Variants in LAMA2 observed in about 807,000 individuals in gnomAD.
LAMA2 encodes the protein laminin subunit alpha 2, also known as laminin subunit alpha-2.
In LAMA2, 269 loss-of-function variants were observed where a neutral mutation model predicts 364.8. The observed-to-expected ratio is 0.74, with a 90% CI of 0.67 to 0.82. LAMA2 has a LOEUF of 0.82. LAMA2 is among the 40% of genes least tolerant of loss of function. LAMA2 has a pLI of 0.00. For missense variants in LAMA2, 3,807 were observed against 3,873.2 expected (o/e 0.98, Z 0.45); for synonymous variants, 1,379 against 1,370.6 (o/e 1.01, Z -0.14).
chr6:129,392,708 A>G (rs1324357921), intron 36 of LAMA2, among the ~76,000 whole-genome samples: 1 of 152,228 alleles, frequency 6.6e-6, no homozygotes, highest in Non-Finnish European at 1.5e-5. Context: ...TCTCAGTACA[A>G]TGAAACAAGT....
chr6:128,949,255 G>T (rs1368741570), intron 1 of LAMA2, among the ~76,000 whole-genome samples: 1 of 152,084 alleles, frequency 6.6e-6, no homozygotes. Context: ...ATGCACTTTT[G>T]GTTCCCAATC....
intron 4 of LAMA2, among the ~76,000 whole-genome samples, chr6:129,109,379 T>C (rs983592105): frequency 1.3e-5 from 2 of 152,148 alleles, no homozygotes; most frequent in African/African-American, 4.8e-5. Flanking sequence ...AAGAAAGGCC[T>C]CTAAGAATCT....
chr6:129,385,784 C>A (rs1344820710), intron 35 of LAMA2, among the ~76,000 whole-genome samples: 1 of 152,094 alleles, frequency 6.6e-6, no homozygotes, highest in Non-Finnish European at 1.5e-5. Flanking sequence ...AGGACTTAAT[C>A]AATGATAGAC....
At chr6:128,964,007 T>C (rs1781694603) in intron 1 of LAMA2, among the ~76,000 whole-genome samples, 1 of 152,140 alleles carries the variant, frequency 6.6e-6, no homozygotes, top group Non-Finnish European at 1.5e-5. Flanking sequence ...GATCTTTGAA[T>C]ATGCTGATCG....
chr6:129,398,564 C>G (rs1041271542), intron 37 of LAMA2, among the ~76,000 whole-genome samples: 1 of 150,802 alleles, frequency 6.6e-6, no homozygotes, highest in Non-Finnish European at 1.5e-5. Context: ...TAACCTCCAC[C>G]TCTCAGGTCA....
At chr6:128,901,000 T>C (rs377092963) in intron 1 of LAMA2, among the ~76,000 whole-genome samples, 27 of 151,888 alleles carry the variant, frequency 1.8e-4, no homozygotes, top group African/African-American at 5.6e-4. Flanking sequence ...AAAAATAAAA[T>C]GAAAAAATTA....
At chr6:129,329,566 T>C (rs1457171282) in intron 29 of LAMA2, among the ~76,000 whole-genome samples, 1 of 152,122 alleles carries the variant, frequency 6.6e-6, no homozygotes, top group African/African-American at 2.4e-5. Flanking sequence ...TTCACCATGT[T>C]GTCTAGGCTG....
In LAMA2 at chr6:129,158,252, A is replaced by AC. The variant is rs1454637535; in HGVS notation, c.1206+3571dup. ...TACCTTTAATATCTGCCGCTATGAA[A>AC]CCAAGTATGTTTTCATGGCGCATTA... On this transcript the variant is annotated intron_variant, in intron 8 of 64. Coordinates refer to ENST00000421865, the MANE Select transcript of LAMA2 (RefSeq NM_000426.4). 537 of 1,613,972 alleles carry AC rather than the reference A, an allele frequency of 3.3e-4. 4 individuals carry two copies. The highest frequency in any genetic ancestry group is 1.4e-4 in the Non-Finnish European group (169 of 1,179,982).
chr6:129,143,203 G>T (rs1778231634), intron 4 of LAMA2, among the ~76,000 whole-genome samples: 1 of 151,742 alleles, frequency 6.6e-6, no homozygotes, highest in Admixed American at 6.6e-5. Context: ...CAACTGTGCT[G>T]AATTATTGTC....
chr6:129,050,046 C>G lies in LAMA2; in HGVS notation c.241C>G (p.Pro81Ala). 6.2e-7 allele frequency: 1 copy of G among 1,614,108 alleles called. No individual in the cohort carries two copies. Among genetic ancestry groups the G allele is most frequent in the Admixed American group, 1.7e-5 (1 of 60,014 alleles). The change falls in exon 2 of 65, where the codon CCG becomes GCG. Residue 81 changes from proline to alanine, a missense_variant. Transcript: ENST00000421865. The part of the protein sequence containing the change: ...EHVPGQPVRN[P>A]QCRICNQNSS... Reference sequence around the variant, plus strand: ...TGTCCCTGGGCAGCCTGTGAGGAACCCGCAGTGTCGAATCTGCAATCAAAA... The same window carrying G: ...TGTCCCTGGGCAGCCTGTGAGGAACGCGCAGTGTCGAATCTGCAATCAAAA...
intron 1 of LAMA2, among the ~76,000 whole-genome samples, chr6:129,031,761 G>T (rs1387731429): frequency 6.6e-6 from 1 of 152,138 alleles, no homozygotes; most frequent in Non-Finnish European, 1.5e-5. Flanking sequence ...ACAAAAGAAA[G>T]TTTGCCATGT....
In LAMA2 at chr6:129,248,547, C is replaced by T. The variant is rs182935207; in HGVS notation, c.1783-1565C>T. ...ATTTTTCTTTCCTTTTTAGAGAAGC[C>T]ATATTCAAGAAAAATAGCATGTAAT... On this transcript the variant is annotated intron_variant, in intron 12 of 64. Coordinates refer to ENST00000421865, the MANE Select transcript of LAMA2 (RefSeq NM_000426.4). 2.0e-5 allele frequency among the ~76,000 whole-genome samples: 3 copies of T among 152,030 alleles called. No homozygotes were observed. In the East Asian group the frequency reaches 5.8e-4, roughly 29 times the overall value.
intron 34 of LAMA2, among the ~76,000 whole-genome samples, chr6:129,382,460 G>A (rs1778746557): frequency 6.6e-6 from 1 of 152,174 alleles, no homozygotes; most frequent in East Asian, 1.9e-4. Flanking sequence ...GGGAGGTGGG[G>A]CTGTTTTGGG....
intron 45 of LAMA2, among the ~76,000 whole-genome samples, chr6:129,450,281 A>G (rs1473062679): frequency 6.8e-6 from 1 of 148,044 alleles, no homozygotes; most frequent in Non-Finnish European, 1.5e-5. Context: ...ATATTATTCA[A>G]TTGTGTTGTT....
At chr6:129,275,178 A>T (rs1788217138) in intron 17 of LAMA2, among the ~76,000 whole-genome samples, 1 of 152,032 alleles carries the variant, frequency 6.6e-6, no homozygotes, top group Non-Finnish European at 1.5e-5. Context: ...TTCCAAGACA[A>T]TAGGTAAATT....
intron 29 of LAMA2, among the ~76,000 whole-genome samples, chr6:129,329,169 C>G (rs1377531392): frequency 6.6e-6 from 1 of 152,128 alleles, no homozygotes; most frequent in African/African-American, 2.4e-5. Context: ...CTTTGTTAAG[C>G]CCATCTCCCA....
intron 5 of LAMA2, among the ~76,000 whole-genome samples, chr6:129,146,708 C>T (rs776038370): frequency 6.6e-6 from 1 of 151,988 alleles, no homozygotes; most frequent in African/African-American, 2.4e-5. Context: ...GGACTTGGTG[C>T]TGACTGGGAA....
intron 60 of LAMA2, 129 bp from the exon 61 acceptor site, chr6:129,505,071 G>A: frequency 1.3e-6 from 1 of 799,104 alleles, no homozygotes; most frequent in Non-Finnish European, 2.2e-6. Context: ...AATGGGCTTA[G>A]CGCATACTAA....
intron 1 of LAMA2, among the ~76,000 whole-genome samples, chr6:128,982,819 T>C (rs897385308): frequency 3.6e-5 from 5 of 140,842 alleles, no homozygotes; most frequent in Non-Finnish European, 7.6e-5. Context: ...TGTCCATGTG[T>C]TCTCATTGTT....
Sources: allele counts gnomAD v4.1 joint callset (sites outside exome capture counted in the v4.1 genomes callset), GRCh38; gene constraint gnomAD v4.1.1; transcripts MANE v1.5; gene names NCBI Gene and HGNC (gene_info 2026-07-23, HGNC 2026-07-21).